Variants in TAF1B observed in about 807,000 individuals in gnomAD.
The protein encoded by TAF1B is TATA-box binding protein associated factor, RNA polymerase I subunit B.
In TAF1B, 61 loss-of-function variants were observed where a neutral mutation model predicts 83.9. The observed-to-expected ratio is 0.73, with a 90% CI of 0.59 to 0.90. The LOEUF (loss-of-function observed/expected upper bound fraction) is 0.90, where lower values mean the gene tolerates loss of function less well. Ranked by LOEUF, TAF1B falls within the 40% of genes least tolerant of loss-of-function variation. The pLI, the probability that TAF1B is intolerant of heterozygous loss-of-function variation, is 0.00. For synonymous variants in TAF1B, 221 were observed against 224.6 expected, an observed-to-expected ratio of 0.98 and a Z score of 0.14; for missense variants, 625 against 677.0, an observed-to-expected ratio of 0.92 and a Z score of 0.85.
rs1220508649 is a variant in TAF1B, at chr2:9,910,907, T to C, written c.1127T>C (p.Phe376Ser). ...CTGCTCTTTCTATTGGATGACAGTT[T>C]CGAGTGGTAAGTGTACGTCAATTTT... ...LKLLFLLDDS[F>S]EWSLSNLAEK... The change falls in exon 10 of 15, where the codon TTC becomes TCC. Residue 376 changes from phenylalanine (F) to serine (S), a missense_variant. Transcript: ENST00000263663. 6.2e-7 allele frequency: 1 copy of C among 1,610,044 alleles called. No individual in the cohort carries two copies. The highest frequency in any genetic ancestry group is 1.1e-5 in the South Asian group (1 of 90,298).
intron 14 of TAF1B, 115 bp from the exon 15 acceptor site, chr2:9,933,668 T>C (rs936274106): frequency 1.2e-6 from 1 of 854,902 alleles, no homozygotes; most frequent in African/African-American, 1.7e-5. Flanking sequence ...CAGGGTCCTG[T>C]TTTAAGCCTA....
intron 14 of TAF1B, among the ~76,000 whole-genome samples, chr2:9,925,717 CA>C (rs1666015034): frequency 6.6e-6 from 1 of 151,888 alleles, no homozygotes; most frequent in South Asian, 2.1e-4. Context: ...GCTGCTACTA[CA>C]GACATGCGCT....
At chr2:9,853,458 T>C (rs746712977) in intron 4 of TAF1B, among the ~76,000 whole-genome samples, 7 of 152,078 alleles carry the variant, frequency 4.6e-5, no homozygotes, top group Non-Finnish European at 8.8e-5. Context: ...TGGAAAAGTC[T>C]TTCTGTTTGC....
At chr2:9,864,447 A>G (rs190391622) in intron 5 of TAF1B, among the ~76,000 whole-genome samples, 1 of 152,314 alleles carries the variant, frequency 6.6e-6, no homozygotes, top group African/African-American at 2.4e-5. Context: ...GCAATAATTA[A>G]TAGCTTACCA....
chr2:9,867,402 T>A (rs1012430105), intron 5 of TAF1B, among the ~76,000 whole-genome samples: 3 of 152,238 alleles, frequency 2.0e-5, no homozygotes, highest in African/African-American at 7.2e-5. Flanking sequence ...TGTAGCCTCC[T>A]TCTCACAGGG....
chr2:9,855,879 A>G (rs113262877), intron 5 of TAF1B, among the ~76,000 whole-genome samples: 36 of 152,322 alleles, frequency 2.4e-4, no homozygotes, highest in Middle Eastern at 6.8e-3. Context: ...AAAAAACAGT[A>G]TGGTTGTATG....
intron 8 of TAF1B, among the ~76,000 whole-genome samples, chr2:9,883,095 G>A (rs1476713674): frequency 6.6e-6 from 1 of 151,994 alleles, no homozygotes. Flanking sequence ...AGACCTTTAG[G>A]TAATTTCAAT....
intron 5 of TAF1B, among the ~76,000 whole-genome samples, chr2:9,863,811 C>G (rs1256549188): frequency 6.6e-6 from 1 of 152,208 alleles, no homozygotes; most frequent in African/African-American, 2.4e-5. Context: ...AACTGCTCAA[C>G]TACATGGAAA....
intron 6 of TAF1B, among the ~76,000 whole-genome samples, chr2:9,870,559 T>G (rs1014909454): frequency 1.3e-5 from 2 of 152,248 alleles, no homozygotes; most frequent in Non-Finnish European, 2.9e-5. Context: ...TTCAACTCTT[T>G]TGTGACTTTC....
chr2:9,846,126 A>G (rs1259574268), intron 2 of TAF1B: 2 of 470,748 alleles, frequency 4.2e-6, no homozygotes, highest in Non-Finnish European at 8.8e-6. Flanking sequence ...GTGAGAGCCT[A>G]TTGATAGGGC....
At chr2:9,916,858 G>A (rs1415572290) in intron 12 of TAF1B, among the ~76,000 whole-genome samples, 1 of 37,076 alleles carries the variant, frequency 2.7e-5, no homozygotes, top group Admixed American at 3.4e-4. Context: ...TTTTTTTTGA[G>A]ATGGATTTTT....
intron 5 of TAF1B, among the ~76,000 whole-genome samples, chr2:9,862,785 A>G (rs1221435126): frequency 2.6e-5 from 4 of 152,246 alleles, no homozygotes; most frequent in African/African-American, 9.6e-5. Context: ...GTGGGGGCCA[A>G]TATTCAACAT....
rs1430383044 is a variant in TAF1B at position 9,845,334 on chromosome 2, C to T, written c.117+16C>T. On this transcript the variant is annotated intron_variant, in intron 2 of 14. Transcript: ENST00000263663. Reference sequence around the variant, plus strand: ...TGTTACAGAGGTAAGTAACAAATATCATTTATGAATTTGCTTATGTTTTAA... The same window carrying T: ...TGTTACAGAGGTAAGTAACAAATATTATTTATGAATTTGCTTATGTTTTAA... 3 of 1,598,362 alleles carry T rather than the reference C, an allele frequency of 1.9e-6. No individual in the cohort carries two copies. The highest frequency in any genetic ancestry group is 3.3e-5 in the Admixed American group (2 of 59,918).
Position 9,905,016 on chromosome 2 carries a change from T to C in TAF1B, c.955+10T>C. 1 of 1,608,458 alleles carries C rather than the reference T, an allele frequency of 6.2e-7. No individual in the cohort carries two copies. The highest frequency in any genetic ancestry group is 8.5e-7 in the Non-Finnish European group (1 of 1,175,628). On this transcript the variant is annotated intron_variant, in intron 9 of 14. Coordinates refer to ENST00000263663, the MANE Select transcript of TAF1B (RefSeq NM_005680.3). ...GAAGTCAACCTCCCTGGTAAGTGTG[T>C]GACATATATTGTGGGGACACTTTAA...
At chr2:9,875,302 C>T (rs544203644) in intron 6 of TAF1B, among the ~76,000 whole-genome samples, 26 of 152,300 alleles carry the variant, frequency 1.7e-4, no homozygotes, top group Non-Finnish European at 3.1e-4. Flanking sequence ...CCCACTCCTA[C>T]AGATATCCCA....
chr2:9,887,873 C>T (rs188617318), intron 8 of TAF1B, among the ~76,000 whole-genome samples: 3 of 151,630 alleles, frequency 2.0e-5, no homozygotes, highest in Admixed American at 6.6e-5. Flanking sequence ...TTTTTTAAGG[C>T]ATAGGGTCTT....
chr2:9,896,620 C>CAAAAAAAAAAAAA (rs71391108), intron 8 of TAF1B, among the ~76,000 whole-genome samples: 6 of 66,520 alleles, frequency 9.0e-5, no homozygotes, highest in Admixed American at 2.0e-4. Context: ...ATCTAAAAAC[C>CAAAAAAAAAAAAA]AAAAAAAAAA....
chr2:9,878,726 G>T (rs1664400147), intron 7 of TAF1B, among the ~76,000 whole-genome samples: 1 of 152,214 alleles, frequency 6.6e-6, no homozygotes, highest in Non-Finnish European at 1.5e-5. Context: ...CGATGCAGTT[G>T]TGAATCATAT....
intron 9 of TAF1B, among the ~76,000 whole-genome samples, chr2:9,906,356 T>C (rs1431558680): frequency 6.6e-6 from 1 of 152,208 alleles, no homozygotes; most frequent in African/African-American, 2.4e-5. Context: ...GACATTATTG[T>C]CATTTGATAT....
Sources: gnomAD v4.1 joint callset for allele counts (sites outside exome capture counted in the v4.1 genomes callset) on GRCh38, gnomAD v4.1.1 for gene constraint, MANE v1.5 for transcripts, NCBI Gene and HGNC (gene_info 2026-07-23, HGNC 2026-07-21) for gene names.